The following COG6 variants were observed in gnomAD, a reference collection of about 807,000 sequenced individuals.
The protein encoded by COG6 is component of oligomeric golgi complex 6, also known as conserved oligomeric Golgi complex subunit 6.
A neutral mutation model predicts 88.8 loss-of-function variants in COG6; 74 were observed. The observed-to-expected ratio is 0.83, with a 90% CI of 0.69 to 1.01. The LOEUF (loss-of-function observed/expected upper bound fraction) is 1.01, where lower values mean the gene tolerates loss of function less well. COG6 is among the 50% of genes least tolerant of loss of function. The pLI, the probability that COG6 is intolerant of heterozygous loss-of-function variation, is 0.00. For missense variants in COG6, 800 were observed against 797.9 expected (o/e 1.00, Z -0.03); for synonymous variants, 286 against 278.7 (o/e 1.03, Z -0.26).
chr13:39,666,333 C>G (rs1875258315), intron 4 of COG6, among the ~76,000 whole-genome samples: 1 of 152,118 alleles, frequency 6.6e-6, no homozygotes, highest in Non-Finnish European at 1.5e-5. Context: ...CCCAGGAGTT[C>G]AAGGTTGCAG....
chr13:39,690,564 CATTG>C (rs1876926492), intron 11 of COG6, among the ~76,000 whole-genome samples: 1 of 151,806 alleles, frequency 6.6e-6, no homozygotes, highest in Non-Finnish European at 1.5e-5. Flanking sequence ...AAACCAACTT[CATTG>C]ATTGACTTTA....
rs779632700 is a variant in COG6, at chr13:39,660,833, T to C, written c.321T>C (p.Asp107=). 2.5e-6 allele frequency: 4 copies of C among 1,610,296 alleles called. No individual in the cohort carries two copies. In the South Asian group the frequency reaches 4.4e-5, roughly 18 times the overall value. Residue 107 remains aspartate, a synonymous_variant, in exon 3 of 19, where the codon GAT becomes GAC. Coordinates refer to ENST00000455146, the MANE Select transcript of COG6 (RefSeq NM_020751.3). ...AGGAACTTGAAAGCATAAGCGAAGA[T>C]GTTCAAGCAATGAGCAACTGTTGTC... ...VKEELESISE[D]VQAMSNCCQD...
At chr13:39,768,257 A>G (rs570291400) in intron 18 of COG6, among the ~76,000 whole-genome samples, 67 of 152,320 alleles carry the variant, frequency 4.4e-4, no homozygotes, top group African/African-American at 1.6e-3. Context: ...TGGTGTTGGT[A>G]TCTCACTGGC....
At chr13:39,702,227 A>G (rs1026153182) in intron 13 of COG6, among the ~76,000 whole-genome samples, 5 of 152,012 alleles carry the variant, frequency 3.3e-5, no homozygotes, top group Non-Finnish European at 5.9e-5. Flanking sequence ...TTCAGATTAT[A>G]TAGAGAACTT....
chr13:39,656,087 G>A (rs779417530), intron 1 of COG6: 9 of 709,410 alleles, frequency 1.3e-5, no homozygotes, highest in African/African-American at 7.0e-5. Context: ...AAGCGAAGGG[G>A]TTTCCTGGGT....
At chr13:39,782,273 T>A (rs923430768) in intron 18 of COG6, among the ~76,000 whole-genome samples, 5 of 152,230 alleles carry the variant, frequency 3.3e-5, no homozygotes, top group African/African-American at 9.6e-5. Context: ...GGTACCCTTC[T>A]ATCTGAAACA....
chr13:39,659,094 T>G (rs1183692746), intron 1 of COG6, among the ~76,000 whole-genome samples: 2 of 152,170 alleles, frequency 1.3e-5, no homozygotes, highest in Admixed American at 6.5e-5. Context: ...CAATCCCTTT[T>G]AGATGGACAT....
At chr13:39,767,615 C>T (rs572541086) in intron 18 of COG6, among the ~76,000 whole-genome samples, 1 of 152,134 alleles carries the variant, frequency 6.6e-6, no homozygotes, top group Admixed American at 6.5e-5. Flanking sequence ...TAAATCTAAC[C>T]AAAGCCTGAT....
chr13:39,672,785 A>G (rs1299323252), intron 4 of COG6, among the ~76,000 whole-genome samples: 4 of 152,084 alleles, frequency 2.6e-5, no homozygotes, highest in Non-Finnish European at 5.9e-5. Context: ...TGAATCATAT[A>G]TGATAACTCT....
intron 18 of COG6, among the ~76,000 whole-genome samples, chr13:39,740,453 A>G (rs1186599650): frequency 1.3e-5 from 2 of 152,304 alleles, no homozygotes; most frequent in East Asian, 3.9e-4. Context: ...TTAAAAGAGG[A>G]TATTGTTTAG....
chr13:39,777,796 G>C (rs1458909717), intron 18 of COG6, among the ~76,000 whole-genome samples: 1 of 152,150 alleles, frequency 6.6e-6, no homozygotes, highest in East Asian at 1.9e-4. Flanking sequence ...CTGAAAAAAG[G>C]GTAGTAGGGA....
intron 18 of COG6, among the ~76,000 whole-genome samples, chr13:39,778,323 G>A (rs1881525172): frequency 6.6e-6 from 1 of 152,178 alleles, no homozygotes; most frequent in South Asian, 2.1e-4. Flanking sequence ...GCCTAGAAAA[G>A]GCAGCATAGG....
intron 18 of COG6, among the ~76,000 whole-genome samples, chr13:39,737,928 A>T (rs1879849157): frequency 6.6e-6 from 1 of 152,080 alleles, no homozygotes; most frequent in South Asian, 2.1e-4. Context: ...TTCTGCTGTG[A>T]CAGGGCAGCA....
intron 11 of COG6, among the ~76,000 whole-genome samples, chr13:39,690,636 A>G (rs1398307712): frequency 6.6e-6 from 1 of 151,946 alleles, no homozygotes; most frequent in African/African-American, 2.4e-5. Flanking sequence ...CAAGAAATGA[A>G]CTTTAAAATT....
At chr13:39,674,009 G>C (rs1409914637) in intron 4 of COG6, among the ~76,000 whole-genome samples, 1 of 151,662 alleles carries the variant, frequency 6.6e-6, no homozygotes, top group African/African-American at 2.4e-5. Context: ...TAAAAACTTT[G>C]CCAATGTAGA....
chr13:39,696,162 T>C (rs1362736984), intron 12 of COG6, among the ~76,000 whole-genome samples: 2 of 1,156 alleles, frequency 1.7e-3, no homozygotes, highest in African/African-American at 1.9e-3. Context: ...TTAAAATCTT[T>C]TTTTATTGAT....
Position 39,736,232 on chromosome 13 carries a change from C to T in COG6, c.1826+8684C>T, listed in dbSNP as rs986526715. ...TTTGTCTCCTCTTACTGTGTATTTT[C>T]AAATATCCTGTCTTCAAGCTCAGTA... On this transcript the variant is annotated intron_variant, in intron 18 of 18. Transcript: ENST00000455146. Among the ~76,000 whole-genome samples the T allele has an allele frequency of 2.6e-5, 4 of 151,262 alleles. No individual in the cohort carries two copies. The East Asian group carries it at 7.8e-4, about 29-fold the overall frequency.
In COG6 at chr13:39,660,849, AAC is replaced by A; in HGVS notation, c.338_339del (p.Asn113MetfsTer25). The A allele has an allele frequency of 6.2e-7, 1 of 1,610,754 alleles. No individual in the cohort carries two copies. The highest frequency in any genetic ancestry group is 8.5e-7 in the Non-Finnish European group (1 of 1,177,504). ...SISEDVQAMSNCCQDMTSRLQ... is the reference protein window; with the variant it reads ...SISEDVQAMSXCCQDMTSRLQ... ...AAGCGAAGATGTTCAAGCAATGAGC[AAC>A]TGTTGTCAAGATATGACAAGTCGCC... On this transcript the variant is annotated frameshift_variant, in exon 3 of 19. Transcript: ENST00000455146. LOFTEE classifies it high-confidence loss of function.
At position 39,655,677 on chromosome 13, in the gene COG6, G is replaced by T; in HGVS notation, c.-50G>T. 7.7e-6 allele frequency: 12 copies of T among 1,552,036 alleles called. No individual in the cohort carries two copies. Among genetic ancestry groups the T allele is most frequent in the Non-Finnish European group, 1.0e-5 (12 of 1,146,994 alleles). ...CATGCGCAATACTCGCGCTGCCTCC[G>T]TGGTCCCTGCCTGGCTGAGGTGGCA... On this transcript the variant is annotated 5_prime_UTR_variant, in exon 1 of 19. Coordinates refer to ENST00000455146, the MANE Select transcript of COG6 (RefSeq NM_020751.3).
Sources: allele counts gnomAD v4.1 joint callset (sites outside exome capture counted in the v4.1 genomes callset), GRCh38; gene constraint gnomAD v4.1.1; transcripts MANE v1.5; gene names NCBI Gene and HGNC (gene_info 2026-07-23, HGNC 2026-07-21).